The following KCND2 variants were observed in gnomAD, a reference collection of about 807,000 sequenced individuals.
KCND2 encodes potassium voltage-gated channel subfamily D member 2.
A neutral mutation model predicts 54.4 loss-of-function variants in KCND2; 16 were observed. The ratio of observed to expected loss-of-function variants is 0.29; its 90% CI spans 0.20 to 0.45. The LOEUF is 0.45. Among genes scored for constraint, KCND2 ranks in the 20% least tolerant of loss-of-function variants. KCND2 has a pLI of 1.00. For missense variants in KCND2, 486 were observed against 824.2 expected (o/e 0.59, Z 5.02); for synonymous variants, 317 against 310.7 (o/e 1.02, Z -0.21).
chr7:120,705,121 G>A (rs1429014869), intron 1 of KCND2, among the ~76,000 whole-genome samples: 1 of 152,112 alleles, frequency 6.6e-6, no homozygotes, highest in Non-Finnish European at 1.5e-5. Context: ...GGCTATGTCT[G>A]ATATTCTCTC....
At chr7:120,352,301 C>T (rs771165432) in intron 1 of KCND2, among the ~76,000 whole-genome samples, 2 of 151,320 alleles carry the variant, frequency 1.3e-5, no homozygotes, top group East Asian at 1.9e-4. Context: ...TTTTAAAATC[C>T]GAAGGAAGCA....
At chr7:120,662,787 T>A (rs183897527) in intron 1 of KCND2, among the ~76,000 whole-genome samples, 1 of 152,314 alleles carries the variant, frequency 6.6e-6, no homozygotes, top group Non-Finnish European at 1.5e-5. Context: ...AAAGTGAGGA[T>A]GGAGTAAAGA....
chr7:120,356,330 C>A (rs1214718082), intron 1 of KCND2, among the ~76,000 whole-genome samples: 1 of 152,060 alleles, frequency 6.6e-6, no homozygotes, highest in Admixed American at 6.6e-5. Context: ...CCTTTAACAT[C>A]ATGTAAACTA....
chr7:120,404,777 C>A (rs867934103), intron 1 of KCND2, among the ~76,000 whole-genome samples: 1 of 5,256 alleles, frequency 1.9e-4, no homozygotes, highest in African/African-American at 8.1e-4. Flanking sequence ...GGGGGGGGAC[C>A]TTTGTGAATT....
chr7:120,630,243 TG>T (rs1793216863), intron 1 of KCND2, among the ~76,000 whole-genome samples: 1 of 152,190 alleles, frequency 6.6e-6, no homozygotes, highest in Non-Finnish European at 1.5e-5. Flanking sequence ...AATCACTCTT[TG>T]GTGAGTAAAA....
At chr7:120,382,143 T>G (rs1236266900) in intron 1 of KCND2, among the ~76,000 whole-genome samples, 2 of 152,056 alleles carry the variant, frequency 1.3e-5, no homozygotes, top group African/African-American at 4.8e-5. Context: ...CCTTTCTTTT[T>G]AAATTCAAGG....
chr7:120,391,924 G>A (rs1404714508), intron 1 of KCND2, among the ~76,000 whole-genome samples: 1 of 152,024 alleles, frequency 6.6e-6, no homozygotes, highest in Middle Eastern at 3.2e-3. Context: ...AGTTTAATTA[G>A]ATCTCATTTG....
intron 1 of KCND2, among the ~76,000 whole-genome samples, chr7:120,459,445 A>G (rs1260763640): frequency 6.6e-6 from 1 of 152,148 alleles, no homozygotes; most frequent in Non-Finnish European, 1.5e-5. Flanking sequence ...CTCCGCCCAC[A>G]ACTTGACATT....
At chr7:120,737,301 T>C (rs1257749598) in intron 2 of KCND2, among the ~76,000 whole-genome samples, 1 of 151,934 alleles carries the variant, frequency 6.6e-6, no homozygotes, top group African/African-American at 2.4e-5. Context: ...AAGCAAGAAA[T>C]AACTACTTGC....
At chr7:120,496,409 A>G (rs1802847620) in intron 1 of KCND2, among the ~76,000 whole-genome samples, 1 of 151,202 alleles carries the variant, frequency 6.6e-6, no homozygotes, top group African/African-American at 2.4e-5. Flanking sequence ...TCTTTTATAT[A>G]TATATAAAAA....
At chr7:120,355,636 T>A (rs758181720) in intron 1 of KCND2, among the ~76,000 whole-genome samples, 19 of 151,910 alleles carry the variant, frequency 1.3e-4, no homozygotes, top group Non-Finnish European at 2.5e-4. Context: ...CATGAGAGAG[T>A]ATTTTACTAC....
At chr7:120,429,888 T>C (rs2116161228) in intron 1 of KCND2, among the ~76,000 whole-genome samples, 1 of 152,298 alleles carries the variant, frequency 6.6e-6, no homozygotes, top group South Asian at 2.1e-4. Context: ...TTTAGTATAA[T>C]CAAATAAGTC....
chr7:120,568,853 T>C (rs893170824), intron 1 of KCND2, among the ~76,000 whole-genome samples: 7 of 152,140 alleles, frequency 4.6e-5, no homozygotes, highest in African/African-American at 1.7e-4. Context: ...ATTAATTTGG[T>C]ATTTGGAATT....
rs1336448122 is a variant in KCND2 at position 120,349,794 on chromosome 7, T to C, written c.1115+74047T>C. Reference sequence around the variant, plus strand: ...ATCTTTAATTTTGTTAATTTTCTTATTCATCTTATTCATTTATGTTACTGT... The same window carrying C: ...ATCTTTAATTTTGTTAATTTTCTTACTCATCTTATTCATTTATGTTACTGT... On this transcript the variant is annotated intron_variant, in intron 1 of 5. Transcript: ENST00000331113. Among the ~76,000 whole-genome samples the C allele has an allele frequency of 2.6e-5, 4 of 152,174 alleles. No individual in the cohort carries two copies. In the East Asian group the frequency reaches 7.7e-4, roughly 29 times the overall value.
At chr7:120,472,693 C>T (rs995611652) in intron 1 of KCND2, among the ~76,000 whole-genome samples, 2 of 152,020 alleles carry the variant, frequency 1.3e-5, no homozygotes, top group Admixed American at 1.3e-4. Flanking sequence ...AGCTTTGCAA[C>T]AGACTAAACT....
At chr7:120,490,730 G>A (rs567356252) in intron 1 of KCND2, among the ~76,000 whole-genome samples, 4 of 152,210 alleles carry the variant, frequency 2.6e-5, no homozygotes, top group South Asian at 4.1e-4. Context: ...GATTGCAAAC[G>A]TGCTAATGTC....
intron 1 of KCND2, among the ~76,000 whole-genome samples, chr7:120,605,563 A>G (rs151039275): frequency 4.0e-4 from 61 of 152,158 alleles, no homozygotes; most frequent in African/African-American, 1.2e-3. Context: ...TACATTTTCA[A>G]TTCTCTTCAG....
intron 1 of KCND2, among the ~76,000 whole-genome samples, chr7:120,295,693 A>C (rs1280963201): frequency 1.3e-5 from 2 of 152,076 alleles, no homozygotes; most frequent in African/African-American, 2.4e-5. Flanking sequence ...ATTATGTGTT[A>C]ATTTACTAGT....
At chr7:120,626,354 T>C (rs1421471914) in intron 1 of KCND2, among the ~76,000 whole-genome samples, 1 of 152,222 alleles carries the variant, frequency 6.6e-6, no homozygotes, top group African/African-American at 2.4e-5. Context: ...ATGCTCACTT[T>C]AGATGTAGCA....
Sources: gnomAD v4.1 joint callset for allele counts (sites outside exome capture counted in the v4.1 genomes callset) on GRCh38, gnomAD v4.1.1 for gene constraint, MANE v1.5 for transcripts, NCBI Gene and HGNC (gene_info 2026-07-23, HGNC 2026-07-21) for gene names.